Variants in SLC5A1 observed in about 807,000 individuals in gnomAD.
The protein encoded by SLC5A1 is solute carrier family 5 member 1, also known as sodium/glucose cotransporter 1.
SLC5A1 carries 42 observed loss-of-function variants against 73.5 expected under a neutral mutation model. The ratio of observed to expected loss-of-function variants is 0.57; its 90% CI spans 0.45 to 0.74. The LOEUF is 0.74. SLC5A1 is among the 30% of genes least tolerant of loss of function. The pLI, the probability that SLC5A1 is intolerant of heterozygous loss-of-function variation, is 0.00. For missense variants in SLC5A1, 634 were observed against 855.4 expected, an observed-to-expected ratio of 0.74 and a Z score of 3.23; for synonymous variants, 300 against 317.4, an observed-to-expected ratio of 0.95 and a Z score of 0.58.
intron 2 of SLC5A1, among the ~76,000 whole-genome samples, chr22:32,060,209 G>A (rs1171199184): frequency 7.0e-6 from 1 of 142,884 alleles, no homozygotes; most frequent in Non-Finnish European, 1.6e-5. Flanking sequence ...ATTTTTTTAA[G>A]AGATGGAACT....
chr22:32,054,004 C>G (rs2093948376), intron 2 of SLC5A1, among the ~76,000 whole-genome samples: 2 of 152,104 alleles, frequency 1.3e-5, no homozygotes, highest in Non-Finnish European at 2.9e-5. Flanking sequence ...GAAACCCCGT[C>G]TCTACTAAAA....
intron 5 of SLC5A1, among the ~76,000 whole-genome samples, chr22:32,075,150 G>A (rs2093988917): frequency 6.8e-6 from 1 of 146,704 alleles, no homozygotes. Flanking sequence ...CGCCTCAAGT[G>A]ATCCTCTTGC....
intron 5 of SLC5A1, 57 bp downstream of exon 5, chr22:32,068,657 C>A: frequency 1.7e-6 from 2 of 1,163,578 alleles, no homozygotes; most frequent in Non-Finnish European, 1.3e-6. Context: ...TCTCATTCCT[C>A]ATCACATGCT....
In SLC5A1 at chr22:32,104,892, G is replaced by A. The variant is rs750909261; in HGVS notation, c.1771+1G>A. On this transcript the variant is annotated splice_donor_variant, in intron 14 of 14. Coordinates refer to ENST00000266088, the MANE Select transcript of SLC5A1 (RefSeq NM_000343.4). LOFTEE classifies it high-confidence loss of function. ...GGCCCTAAGGAGACCATTGAAATAG[G>A]TGACTTATGACCCAGAGCAGATCCT... 2.5e-6 allele frequency: 4 copies of A among 1,603,976 alleles called. No homozygotes were observed. Among genetic ancestry groups the A allele is most frequent in the East Asian group, 2.2e-5 (1 of 44,832 alleles).
chr22:32,063,986 C>G (rs2093968036), intron 2 of SLC5A1, among the ~76,000 whole-genome samples: 1 of 152,108 alleles, frequency 6.6e-6, no homozygotes, highest in Non-Finnish European at 1.5e-5. Flanking sequence ...TTCAGGACAG[C>G]CTGACATTGC....
chr22:32,063,723 A>G (rs2093967512), intron 2 of SLC5A1, among the ~76,000 whole-genome samples: 1 of 152,156 alleles, frequency 6.6e-6, no homozygotes, highest in Non-Finnish European at 1.5e-5. Context: ...GCAGCCCGCT[A>G]CTTGGTCCTG....
intron 1 of SLC5A1, among the ~76,000 whole-genome samples, chr22:32,048,150 TAAAAA>T (rs35309167): frequency 1.0e-5 from 1 of 96,512 alleles, no homozygotes; most frequent in Admixed American, 1.1e-4. Context: ...AGACTCCATG[TAAAAA>T]AAAAAAAAAA....
At chr22:32,088,990 C>G (rs2149493463) in intron 10 of SLC5A1, among the ~76,000 whole-genome samples, 1 of 152,250 alleles carries the variant, frequency 6.6e-6, no homozygotes, top group South Asian at 2.1e-4. Flanking sequence ...TTTGCCTAGA[C>G]CACTGTAAAA....
chr22:32,062,950 G>A (rs2149486701), intron 2 of SLC5A1, among the ~76,000 whole-genome samples: 1 of 152,282 alleles, frequency 6.6e-6, no homozygotes. Flanking sequence ...GTCAAAAATT[G>A]AGGTGCCTTC....
At chr22:32,060,050 CACATATAT>C (rs2093958367) in intron 2 of SLC5A1, among the ~76,000 whole-genome samples, 2 of 136,206 alleles carry the variant, frequency 1.5e-5, no homozygotes, top group African/African-American at 5.5e-5. Context: ...CACACACACA[CACATATAT>C]ACACACACAT....
At chr22:32,063,053 T>C (rs946265992) in intron 2 of SLC5A1, among the ~76,000 whole-genome samples, 3 of 152,140 alleles carry the variant, frequency 2.0e-5, no homozygotes, top group African/African-American at 7.2e-5. Flanking sequence ...TGTGCATGTA[T>C]ATGGGGAGAG....
At chr22:32,105,450 C>T (rs557097626) in intron 14 of SLC5A1, among the ~76,000 whole-genome samples, 4 of 152,024 alleles carry the variant, frequency 2.6e-5, no homozygotes. Context: ...TGCACCACCA[C>T]GCCCGGCTAA....
chr22:32,098,088 T>C (rs2094029263), intron 11 of SLC5A1, among the ~76,000 whole-genome samples: 2 of 152,218 alleles, frequency 1.3e-5, no homozygotes, highest in Non-Finnish European at 2.9e-5. Context: ...TTCTTATACA[T>C]AGCTGCTAGC....
Position 32,068,399 on chromosome 22 carries a change from T to TGATATTAGGATGTG in SLC5A1, c.373-97_373-96insGATATTAGGATGTG, listed in dbSNP as rs2093977602. On this transcript the variant is annotated intron_variant, in intron 4 of 14. Transcript: ENST00000266088. Reference sequence around the variant, plus strand: ...AAAAGTTATGAATCCTTGACCACACTTCTGTGGCTCTGATATTAGGATGGT... The same window carrying TGATATTAGGATGTG: ...AAAAGTTATGAATCCTTGACCACACTGATATTAGGATGTGTCTGTGGCTCTGATATTAGGATGGT... The TGATATTAGGATGTG allele has an allele frequency of 3.5e-6, 3 of 865,090 alleles. No homozygotes were observed. In the African/African-American group the frequency reaches 4.9e-5, roughly 14 times the overall value. The allele number at this position is 865,090 out of a possible 1,614,324, so 53.6% of individuals were successfully genotyped here. A position where few individuals can be genotyped will look rare whatever the true frequency, so the allele number is the denominator to read the frequency against.
At chr22:32,099,877 A>C (rs2094033445) in intron 12 of SLC5A1, among the ~76,000 whole-genome samples, 1 of 152,250 alleles carries the variant, frequency 6.6e-6, no homozygotes, top group Admixed American at 6.5e-5. Context: ...CAGTGAAGAC[A>C]AAGTCCTGGT....
At chr22:32,061,874 G>A (rs887915200) in intron 2 of SLC5A1, among the ~76,000 whole-genome samples, 1 of 152,196 alleles carries the variant, frequency 6.6e-6, no homozygotes, top group Admixed American at 6.5e-5. Flanking sequence ...TGGGGACAGA[G>A]ATGGGGCTCA....
At chr22:32,058,596 C>T (rs2093955569) in intron 2 of SLC5A1, among the ~76,000 whole-genome samples, 1 of 152,104 alleles carries the variant, frequency 6.6e-6, no homozygotes, top group Non-Finnish European at 1.5e-5. Flanking sequence ...ATGATTTTAA[C>T]GTGTACCAAC....
At chr22:32,103,567 G>A (rs1385970707) in intron 13 of SLC5A1, among the ~76,000 whole-genome samples, 2 of 152,202 alleles carry the variant, frequency 1.3e-5, no homozygotes, top group Non-Finnish European at 2.9e-5. Context: ...TCACATGGGT[G>A]GTACAGGGCT....
Position 32,110,244 on chromosome 22 carries a change from C to A in SLC5A1, c.*31C>A. 6.7e-7 allele frequency: 1 copy of A among 1,496,396 alleles called. No individual in the cohort carries two copies. Among genetic ancestry groups the A allele is most frequent in the Non-Finnish European group, 9.3e-7 (1 of 1,073,788 alleles). The allele number at this position is 1,496,396 out of a possible 1,614,324, so 92.7% of individuals were successfully genotyped here. A position where few individuals can be genotyped will look rare whatever the true frequency, so the allele number is the denominator to read the frequency against. On this transcript the variant is annotated 3_prime_UTR_variant, in exon 15 of 15. Transcript: ENST00000266088. The stretch of plus-strand genomic sequence containing the variant: ...ACCTTTTGCTGTAGATTTACCATGG[C>A]TGGACTCTTACTCACCTTCCTTTAG...
Sources: gnomAD v4.1 joint callset for allele counts (sites outside exome capture counted in the v4.1 genomes callset) on GRCh38, gnomAD v4.1.1 for gene constraint, MANE v1.5 for transcripts, NCBI Gene and HGNC (gene_info 2026-07-23, HGNC 2026-07-21) for gene names.